Variants in TBC1D32 observed in about 807,000 individuals in gnomAD.
The protein encoded by TBC1D32 is TBC1 domain family member 32.
Under a neutral mutation model 170.3 loss-of-function variants are expected in TBC1D32, and 151 were observed. The ratio of observed to expected loss-of-function variants is 0.89; its 90% CI spans 0.78 to 1.01. The LOEUF (loss-of-function observed/expected upper bound fraction) is 1.01. Among genes scored for constraint, TBC1D32 ranks in the 50% least tolerant of loss-of-function variants. TBC1D32 has a pLI of 0.00. For missense variants in TBC1D32, 1,464 were observed against 1,457.1 expected (o/e 1.00, Z -0.08); for synonymous variants, 498 against 488.0 (o/e 1.02, Z -0.27).
chr6:121,211,744 G>A (rs996258229), intron 21 of TBC1D32, among the ~76,000 whole-genome samples: 3 of 152,068 alleles, frequency 2.0e-5, no homozygotes, highest in East Asian at 3.9e-4. Flanking sequence ...GTAAAATGCT[G>A]TGGAAGACCC....
intron 21 of TBC1D32, among the ~76,000 whole-genome samples, chr6:121,219,175 C>T (rs1172721145): frequency 6.6e-6 from 1 of 152,100 alleles, no homozygotes; most frequent in Non-Finnish European, 1.5e-5. Flanking sequence ...AGACTTAAAG[C>T]ACAGACAAAT....
At chr6:121,319,626 G>T (rs1181586608) in intron 2 of TBC1D32, among the ~76,000 whole-genome samples, 2 of 152,128 alleles carry the variant, frequency 1.3e-5, no homozygotes, top group African/African-American at 4.8e-5. Context: ...GATATACAGG[G>T]TAGGGATAAT....
chr6:121,270,871 T>C (rs1295781942), intron 15 of TBC1D32, among the ~76,000 whole-genome samples: 1 of 152,152 alleles, frequency 6.6e-6, no homozygotes, highest in Non-Finnish European at 1.5e-5. Flanking sequence ...AATAAAATAC[T>C]GGCAAACCGA....
At chr6:121,097,193 A>C (rs902404911) in intron 30 of TBC1D32, among the ~76,000 whole-genome samples, 1 of 152,210 alleles carries the variant, frequency 6.6e-6, no homozygotes, top group Non-Finnish European at 1.5e-5. Context: ...CGAAATTGAC[A>C]AATGGGATCT....
chr6:121,180,802 G>A (rs760389723), intron 22 of TBC1D32, among the ~76,000 whole-genome samples: 7 of 152,070 alleles, frequency 4.6e-5, no homozygotes, highest in Non-Finnish European at 1.0e-4. Flanking sequence ...ACAACCTGCT[G>A]AATGTGAGAA....
intron 30 of TBC1D32, among the ~76,000 whole-genome samples, chr6:121,101,741 A>T (rs1200219143): frequency 6.0e-5 from 9 of 150,552 alleles, no homozygotes; most frequent in South Asian, 2.1e-4. Flanking sequence ...TGGCCAGGGC[A>T]TTCAGGCAAG....
At position 121,080,818 on chromosome 6, in the gene TBC1D32, T is replaced by A; in HGVS notation, c.3727A>T (p.Thr1243Ser). ...YMEILEQNYRTVLLRDMRNIR... is the reference protein window; with the variant it reads ...YMEILEQNYRSVLLRDMRNIR... ...TTCCGCATGTCTCTCAGCAGCACTG[T>A]TCGGTAGTTTTGTTCCAAAATTTCC... Residue 1243 changes from threonine (T) to serine (S), a missense_variant, in exon 32 of 32, where the codon ACA (threonine) becomes TCA (serine). Physicochemically the swap from Thr to Ser is moderately conservative, Grantham distance 58. This residue lies in a region of TBC1D32 where 97 missense variants were observed against 102.0 expected (regional missense o/e 0.95). Transcript: ENST00000398212. 6.2e-7 allele frequency: 1 copy of A among 1,613,958 alleles called. No individual in the cohort carries two copies. The highest frequency in any genetic ancestry group is 8.5e-7 in the Non-Finnish European group (1 of 1,179,908).
chr6:121,226,303 G>T (rs1374869912), intron 20 of TBC1D32, among the ~76,000 whole-genome samples: 3 of 152,092 alleles, frequency 2.0e-5, no homozygotes, highest in Admixed American at 2.0e-4. Flanking sequence ...ACTGCAATAT[G>T]GAGAGCAATG....
intron 15 of TBC1D32, among the ~76,000 whole-genome samples, chr6:121,273,284 T>A (rs1364635774): frequency 6.7e-6 from 1 of 149,924 alleles, no homozygotes; most frequent in Non-Finnish European, 1.5e-5. Context: ...ATGTGGCACA[T>A]ATACACCATG....
chr6:121,324,560 T>C (rs978914550), intron 1 of TBC1D32, among the ~76,000 whole-genome samples: 31 of 152,288 alleles, frequency 2.0e-4, no homozygotes, highest in African/African-American at 7.5e-4. Context: ...AACCCAAAGT[T>C]TACTGAATCA....
At chr6:121,219,205 G>A (rs1042388833) in intron 21 of TBC1D32, among the ~76,000 whole-genome samples, 10 of 152,134 alleles carry the variant, frequency 6.6e-5, no homozygotes, top group African/African-American at 2.2e-4. Context: ...AGCTTAGGGT[G>A]GAGGGGAAGA....
intron 30 of TBC1D32, among the ~76,000 whole-genome samples, chr6:121,098,996 C>T (rs1777724945): frequency 6.6e-6 from 1 of 151,862 alleles, no homozygotes; most frequent in African/African-American, 2.4e-5. Context: ...TCCTGCTTTG[C>T]ATTTGTATAA....
At chr6:121,135,315 A>C (rs1216373832) in intron 24 of TBC1D32, among the ~76,000 whole-genome samples, 1 of 152,180 alleles carries the variant, frequency 6.6e-6, no homozygotes, top group Non-Finnish European at 1.5e-5. Flanking sequence ...CTATATTTAT[A>C]ATCAGGAAAA....
intron 30 of TBC1D32, among the ~76,000 whole-genome samples, chr6:121,096,612 C>G (rs1362807896): frequency 6.6e-6 from 1 of 152,010 alleles, no homozygotes; most frequent in Non-Finnish European, 1.5e-5. Context: ...ATGAAAATGG[C>G]CATACTGCCC....
intron 5 of TBC1D32, among the ~76,000 whole-genome samples, chr6:121,306,553 T>C (rs943219719): frequency 1.3e-5 from 2 of 152,104 alleles, no homozygotes; most frequent in African/African-American, 4.8e-5. Flanking sequence ...ATGCCAAACA[T>C]CATATCGATT....
At chr6:121,244,455 G>T (rs4945682) in intron 17 of TBC1D32, among the ~76,000 whole-genome samples, 9,807 of 152,146 alleles carry the variant, frequency 0.064, 611 homozygotes, top group Admixed American at 0.21. Flanking sequence ...AGTGGGGGCA[G>T]GGTCTGAGCT....
At chr6:121,209,672 A>G (rs1792798169) in intron 21 of TBC1D32, among the ~76,000 whole-genome samples, 1 of 152,244 alleles carries the variant, frequency 6.6e-6, no homozygotes, top group Non-Finnish European at 1.5e-5. Context: ...TCACACAACT[A>G]GTAAGAGGCA....
intron 22 of TBC1D32, among the ~76,000 whole-genome samples, chr6:121,161,291 C>T (rs924462765): frequency 1.3e-5 from 2 of 152,096 alleles, no homozygotes; most frequent in African/African-American, 4.8e-5. Context: ...CAGATCATCC[C>T]ATCACCCAGG....
intron 15 of TBC1D32, among the ~76,000 whole-genome samples, chr6:121,270,994 G>A (rs969565588): frequency 2.6e-5 from 4 of 152,060 alleles, no homozygotes; most frequent in African/African-American, 9.7e-5. Context: ...CATATAAACA[G>A]AACCAAAGAC....
Sources: gnomAD v4.1 joint callset for allele counts (sites outside exome capture counted in the v4.1 genomes callset) on GRCh38, gnomAD v4.1.1 for gene constraint, gnomAD v4.1.1 regional missense constraint, MANE v1.5 for transcripts, NCBI Gene and HGNC (gene_info 2026-07-23, HGNC 2026-07-21) for gene names.